The following POU3F3 variants were observed in gnomAD, a reference collection of about 807,000 sequenced individuals.
POU3F3 encodes the protein POU domain, class 3, transcription factor 3.
In POU3F3, 1 loss-of-function variant was observed where a neutral mutation model predicts 8.6. That is an observed-to-expected ratio of 0.12 (90% confidence interval 0.04 to 0.55). The LOEUF (loss-of-function observed/expected upper bound fraction) is 0.55, where lower values mean the gene tolerates loss of function less well. Ranked by LOEUF, POU3F3 falls within the 20% of genes least tolerant of loss-of-function variation. The pLI is 0.91. For missense variants in POU3F3, 577 were observed against 690.7 expected, an observed-to-expected ratio of 0.84 and a Z score of 1.84; for synonymous variants, 418 against 327.4, an observed-to-expected ratio of 1.28 and a Z score of -2.99.
At chr2:104,918,506 G>A in the POU3F3 span, among the ~76,000 whole-genome samples, 1 of 152,110 alleles carries the variant, frequency 6.6e-6, no homozygotes, top group African/African-American at 2.4e-5. Context: ...CAAGGTGACT[G>A]GTGTCCTTAT....
the POU3F3 span, among the ~76,000 whole-genome samples, chr2:104,886,415 C>A: frequency 6.6e-6 from 1 of 152,078 alleles, no homozygotes; most frequent in Non-Finnish European, 1.5e-5. Context: ...GAGCAATAGG[C>A]CATTCCATAG....
chr2:104,892,635 TTATATATA>T, the POU3F3 span, among the ~76,000 whole-genome samples: 1 of 150,174 alleles, frequency 6.7e-6, no homozygotes, highest in Non-Finnish European at 1.5e-5. Context: ...CTGGCTGATT[TTATATATA>T]TATATGTACA....
chr2:104,912,222 G>A, the POU3F3 span, among the ~76,000 whole-genome samples: 1 of 152,208 alleles, frequency 6.6e-6, no homozygotes, highest in Non-Finnish European at 1.5e-5. Flanking sequence ...ACAGAACCTA[G>A]CGCATTGTGG....
At chr2:104,921,052 C>T in the POU3F3 span, among the ~76,000 whole-genome samples, 1 of 152,118 alleles carries the variant, frequency 6.6e-6, no homozygotes, top group Non-Finnish European at 1.5e-5. Context: ...CAGGGCCACA[C>T]CTAGTTGCTA....
At chr2:104,865,338 C>T in the POU3F3 span, 3 of 152,162 alleles carry the variant, frequency 2.0e-5, no homozygotes, top group African/African-American at 7.2e-5. Flanking sequence ...GCAGAATACA[C>T]CTGAGGTATG....
chr2:104,855,176 A>C lies in POU3F3; in HGVS notation c.-335A>C, dbSNP rs1459605485. Among the ~76,000 whole-genome samples the C allele has an allele frequency of 6.6e-6, 1 of 151,500 alleles. No individual in the cohort carries two copies. Among genetic ancestry groups the C allele is most frequent in the African/African-American group, 2.4e-5 (1 of 41,318 alleles). On this transcript the variant is annotated 5_prime_UTR_variant, in exon 1 of 1. Coordinates refer to ENST00000361360, the MANE Select transcript of POU3F3 (RefSeq NM_006236.3). The stretch of plus-strand genomic sequence containing the variant: ...GGGGGTGGCCACGGAGCGCACCCCG[A>C]GAAGCGAGCCCCCCTCCCCAGAGCG...
the POU3F3 span, among the ~76,000 whole-genome samples, chr2:104,894,675 GAC>G: frequency 6.6e-6 from 1 of 152,188 alleles, no homozygotes; most frequent in Admixed American, 6.5e-5. Flanking sequence ...AACACAGATA[GAC>G]AGTAAGAGTT....
the POU3F3 span, among the ~76,000 whole-genome samples, chr2:104,908,801 A>G: frequency 6.6e-6 from 1 of 152,254 alleles, no homozygotes; most frequent in South Asian, 2.1e-4. Context: ...GGAGACATCA[A>G]TTATGCTAAA....
upstream of POU3F3, chr2:104,853,836 A>G (rs1676491652): frequency 6.6e-6 from 1 of 152,022 alleles, no homozygotes; most frequent in Non-Finnish European, 1.5e-5. Flanking sequence ...ACTAAGAGTT[A>G]AGATGTGGCG....
Position 104,855,835 on chromosome 2 carries a change from G to A in POU3F3, c.325G>A (p.Ala109Thr). 7 of 1,106,018 alleles carry A rather than the reference G, an allele frequency of 6.3e-6. No individual in the cohort carries two copies. The highest frequency in any genetic ancestry group is 6.7e-5 in the East Asian group (1 of 14,828). 68.5% of individuals were successfully genotyped at this position (1,106,018 alleles called of 1,614,324 possible). Residue 109 changes from alanine (A) to threonine (T), a missense_variant, in exon 1 of 1, where the codon GCC becomes ACC. By Grantham distance (58) the Ala-to-Thr change is moderately conservative (BLOSUM62 0). This residue lies in a region of POU3F3 where 484 missense variants were observed against 422.6 expected (regional missense o/e 1.15). Coordinates refer to ENST00000361360, the MANE Select transcript of POU3F3 (RefSeq NM_006236.3). The stretch of plus-strand genomic sequence containing the variant: ...CCTGCCCCACGCCGCCGCCGCCGCC[G>A]CCGCTGCCGCCGCCGCCGCCGTGGA... ...TALPHAAAAAAAAAAAAVEAS... is the reference protein window; with the variant it reads ...TALPHAAAAATAAAAAAVEAS...
downstream of POU3F3, among the ~76,000 whole-genome samples, chr2:104,861,124 C>G (rs901508527): frequency 6.6e-6 from 1 of 151,990 alleles, no homozygotes; most frequent in African/African-American, 2.4e-5. Flanking sequence ...CCTCTTCAAG[C>G]TAAATCAAAA....
the POU3F3 span, among the ~76,000 whole-genome samples, chr2:104,873,294 G>T: frequency 6.6e-6 from 1 of 152,176 alleles, no homozygotes; most frequent in Non-Finnish European, 1.5e-5. Flanking sequence ...CTTGCAGCCG[G>T]CGCTGGCTGC....
chr2:104,899,494 T>TA, the POU3F3 span, among the ~76,000 whole-genome samples: 1 of 152,224 alleles, frequency 6.6e-6, no homozygotes, highest in Non-Finnish European at 1.5e-5. Context: ...CATAGTCTAT[T>TA]ATGGGTTTGT....
chr2:104,912,998 C>T, the POU3F3 span, among the ~76,000 whole-genome samples: 7 of 152,182 alleles, frequency 4.6e-5, no homozygotes, highest in African/African-American at 7.2e-5. Flanking sequence ...TCTCAAGATG[C>T]GTGTTTTTAT....
In POU3F3 at chr2:104,855,609, GGGT is replaced by G. The variant is rs1676540902; in HGVS notation, c.102_104del (p.Gly43del). On this transcript the variant is annotated inframe_deletion, in exon 1 of 1. Coordinates refer to ENST00000361360, the MANE Select transcript of POU3F3 (RefSeq NM_006236.3). ...ACGCGGCAGGGGCTGGCGGCGGCGG[GGGT>G]GGCGGCGGCGGCGGCGGCGGGGGCG... 1.0e-6 allele frequency: 1 copy of G among 966,704 alleles called. No homozygotes were observed. The highest frequency in any genetic ancestry group is 1.2e-6 in the Non-Finnish European group (1 of 821,142). The allele number at this position is 966,704 out of a possible 1,614,324, so 59.9% of individuals were successfully genotyped here. A position where few individuals can be genotyped will look rare whatever the true frequency, so the allele number is the denominator to read the frequency against.
At chr2:104,884,508 G>A in the POU3F3 span, among the ~76,000 whole-genome samples, 13 of 152,162 alleles carry the variant, frequency 8.5e-5, no homozygotes, top group African/African-American at 3.1e-4. Context: ...GCCAACTCAA[G>A]AAGAAACCTG....
chr2:104,905,577 G>T, the POU3F3 span, among the ~76,000 whole-genome samples: 1,219 of 152,328 alleles, frequency 8.0e-3, 15 homozygotes, highest in African/African-American at 0.028. Context: ...AATGTATTCT[G>T]CAAGCCAGAA....
At chr2:104,887,863 TAAATGGA>T in the POU3F3 span, among the ~76,000 whole-genome samples, 1 of 152,206 alleles carries the variant, frequency 6.6e-6, no homozygotes, top group African/African-American at 2.4e-5. Context: ...TTTCAGGCTT[TAAATGGA>T]GGTACTAAAA....
At chr2:104,863,311 G>T (rs1346896300), downstream of POU3F3, among the ~76,000 whole-genome samples, 1 of 151,820 alleles carries the variant, frequency 6.6e-6, no homozygotes, top group African/African-American at 2.4e-5. Context: ...GAGGAGCGAA[G>T]GAAAGGGAAA....
Sources: allele counts gnomAD v4.1 joint callset (sites outside exome capture counted in the v4.1 genomes callset), GRCh38; gene constraint gnomAD v4.1.1; regional missense constraint gnomAD v4.1.1; transcripts MANE v1.5; gene names NCBI Gene and HGNC (gene_info 2026-07-23, HGNC 2026-07-21).